The following SAP25 variants were observed in gnomAD, a reference collection of about 807,000 sequenced individuals.
SAP25 encodes histone deacetylase complex subunit SAP25.
Under a neutral mutation model 31.5 loss-of-function variants are expected in SAP25, and 24 were observed. The ratio of observed to expected loss-of-function variants is 0.76; its 90% CI spans 0.55 to 1.07. The LOEUF (loss-of-function observed/expected upper bound fraction) is 1.07, where lower values mean the gene tolerates loss of function less well. Ranked by LOEUF, SAP25 falls within the 50% of genes least tolerant of loss-of-function variation. The pLI, the probability that SAP25 is intolerant of heterozygous loss-of-function variation, is 0.00. For missense variants in SAP25, 377 were observed against 418.8 expected (o/e 0.90, Z 0.87); for synonymous variants, 180 against 186.0 (o/e 0.97, Z 0.26).
rs765361344 is a variant in SAP25 at position 100,572,369 on chromosome 7, G to T, written c.812C>A (p.Pro271Gln). Residue 271 changes from proline to glutamine, a missense_variant, in exon 6 of 6, where the codon CCA (proline) becomes CAA (glutamine). By Grantham distance (76) the Pro-to-Gln change is moderately conservative. Coordinates refer to ENST00000622764, the MANE Select transcript of SAP25 (RefSeq NM_001348680.2). The surrounding 1 kb of genome is among the most constrained non-coding windows in gnomAD (Gnocchi z 4.1). ...GCTGGGGCTACCACAGGGGCTGGGT[G>T]GGTCAGAGGTATGGTCTGGGGGGCC... ...AVGPPDHTSD[P>Q]PSPCGSPSSS... 6 of 1,385,186 alleles carry T rather than the reference G, an allele frequency of 4.3e-6. No individual in the cohort carries two copies. Among genetic ancestry groups the T allele is most frequent in the Non-Finnish European group, 5.6e-6 (6 of 1,072,768 alleles). 85.8% of individuals were successfully genotyped at this position (1,385,186 alleles called of 1,614,324 possible).
In SAP25 at chr7:100,572,631, C is replaced by A; in HGVS notation, c.609+23G>T. The A allele has an allele frequency of 2.0e-6, 3 of 1,523,730 alleles. No homozygotes were observed. The highest frequency in any genetic ancestry group is 2.6e-6 in the Non-Finnish European group (3 of 1,141,950). 94.4% of individuals were successfully genotyped at this position (1,523,730 alleles called of 1,614,324 possible). A position where few individuals can be genotyped will look rare whatever the true frequency, so the allele number is the denominator to read the frequency against. On this transcript the variant is annotated intron_variant, in intron 5 of 5. Transcript: ENST00000622764. The surrounding 1 kb of genome is among the most constrained non-coding windows in gnomAD (Gnocchi z 4.1). ...GCAAGCCTGGAGGCTGGGGTAAGGA[C>A]AGGGAGGGGAAAGAGCTCTCACCTG...
Position 100,573,618 on chromosome 7 carries a change from A to C in SAP25, c.125T>G (p.Leu42Arg). 8.1e-7 allele frequency: 1 copy of C among 1,231,720 alleles called. No homozygotes were observed. Among genetic ancestry groups the C allele is most frequent in the Non-Finnish European group, 1.0e-6 (1 of 987,954 alleles). The allele number at this position is 1,231,720 out of a possible 1,614,324, so 76.3% of individuals were successfully genotyped here. The change falls in exon 1 of 6, where the codon CTG becomes CGG. Residue 42 changes from leucine to arginine, a missense_variant. Physicochemically the swap from Leu to Arg is moderately radical, Grantham distance 102 (BLOSUM62 -2). Transcript: ENST00000622764. ...TCACCTGTCCCATGGGGGTGTCCCC[A>C]GCTCCCTGGGGGCGTCCGCTCCGGC... ...WSAGADAPRE[L>R]GTPPWDSPQP...
chr7:100,573,884 G>A lies in SAP25; in HGVS notation c.-142C>T. Reference sequence around the variant, plus strand: ...CCTCGCGGCGACGCTGGCGCCCTGTGCGTCTCCCGGCCACGTGGCGCGTGC... The same window carrying A: ...CCTCGCGGCGACGCTGGCGCCCTGTACGTCTCCCGGCCACGTGGCGCGTGC... On this transcript the variant is annotated 5_prime_UTR_variant, in exon 1 of 6. Transcript: ENST00000622764. 4.1e-5 allele frequency: 26 copies of A among 639,668 alleles called. No individual in the cohort carries two copies. The highest frequency in any genetic ancestry group is 5.3e-5 in the Non-Finnish European group (26 of 487,662). 39.6% of individuals were successfully genotyped at this position (639,668 alleles called of 1,614,324 possible).
At position 100,572,401 on chromosome 7, in the gene SAP25, G is replaced by A. The variant is rs372596522; in HGVS notation, c.780C>T (p.Ser260=). 194 of 1,406,626 alleles carry A rather than the reference G, an allele frequency of 1.4e-4. No homozygotes were observed. The African/African-American group carries it at 1.6e-3, about 12-fold the overall frequency. 87.1% of individuals were successfully genotyped at this position (1,406,626 alleles called of 1,614,324 possible). A position where few individuals can be genotyped will look rare whatever the true frequency, so the allele number is the denominator to read the frequency against. ...MSQGEPRPSS[S]AVGPPDHTSD... ...AGGTATGGTCTGGGGGGCCAACCGC[G>A]GAGGAGCTGGGCCTAGGCTCCCCCT... is the stretch of plus-strand genomic sequence containing the variant. The change falls in exon 6 of 6, where the codon TCC becomes TCT. Residue 260 remains serine, a synonymous_variant. Transcript: ENST00000622764. The surrounding 1 kb of genome is among the most constrained non-coding windows in gnomAD (Gnocchi z 4.1).
chr7:100,572,807 G>C lies in SAP25; in HGVS notation c.511+53C>G. 1 of 1,501,966 alleles carries C rather than the reference G, an allele frequency of 6.7e-7. No homozygotes were observed. The highest frequency in any genetic ancestry group is 8.8e-7 in the Non-Finnish European group (1 of 1,132,206). The allele number at this position is 1,501,966 out of a possible 1,614,324, so 93.0% of individuals were successfully genotyped here. On this transcript the variant is annotated intron_variant, in intron 4 of 5. Coordinates refer to ENST00000622764, the MANE Select transcript of SAP25 (RefSeq NM_001348680.2). This position sits in a 1 kb window ranked among gnomAD's most constrained non-coding sequence, Gnocchi z 4.1. ...TGCGGGCTCCCACCCCTGGGCACTG[G>C]TTCCCAGAGGAGTTGGGGCAGCCTT... is the stretch of plus-strand genomic sequence containing the variant.
rs1432042176 is a variant in SAP25, at chr7:100,573,176, G to A, written c.287C>T (p.Pro96Leu). Residue 96 changes from proline (P) to leucine (L), a missense_variant, in exon 3 of 6, where the codon CCC (proline) becomes CTC (leucine). Physicochemically the swap from Pro to Leu is moderately conservative, Grantham distance 98. Transcript: ENST00000622764. ...GGGCGCTAGTGGAGTCATCCTCGAG[G>A]GGGCCACCTCCCAGGCCACCTGGGG... ...RSPQVAWEVA[P>L]SRMTPLAPWD... The A allele has an allele frequency of 9.8e-6, 15 of 1,534,048 alleles. No homozygotes were observed. The highest frequency in any genetic ancestry group is 1.7e-4 in the Middle Eastern group (1 of 5,956).
At position 100,572,988 on chromosome 7, in the gene SAP25, G is replaced by A. The variant is rs371163842; in HGVS notation, c.383C>T (p.Ser128Leu). ...GTGACACAGCGTCCGGCCTGAGAAC[G>A]AGGCTCCTGAGCTACAGTTGGCCCC... is the stretch of plus-strand genomic sequence containing the variant. The part of the protein sequence containing the change: ...VWGANCSSGA[S>L]FSGRTLCHPS... Residue 128 changes from serine (S) to leucine (L), a missense_variant, in exon 4 of 6, where the codon TCG becomes TTG. By Grantham distance (145) the Ser-to-Leu change is moderately radical. Coordinates refer to ENST00000622764, the MANE Select transcript of SAP25 (RefSeq NM_001348680.2). The surrounding 1 kb of genome is among the most constrained non-coding windows in gnomAD (Gnocchi z 4.1). 3.1e-5 allele frequency: 46 copies of A among 1,499,468 alleles called. 1 individual carries two copies. Among genetic ancestry groups the A allele is most frequent in the East Asian group, 2.7e-4 (11 of 40,572 alleles). 92.9% of individuals were successfully genotyped at this position (1,499,468 alleles called of 1,614,324 possible).
Position 100,572,689 on chromosome 7 carries a change from G to T in SAP25, c.574C>A (p.Arg192Ser). ...GCCTTGGACAGGTACAGGGGAACAC[G>T]CTGCCCCCGGGGCAGCAGAGGGTCC... ...LSDPLLPRGQ[R>S]VPLYLSKAPQ... is the part of the protein sequence containing the mutation. Residue 192 changes from arginine to serine, a missense_variant, in exon 5 of 6, where the codon CGT becomes AGT. By Grantham distance (110) the Arg-to-Ser change is moderately radical (BLOSUM62 -1). Coordinates refer to ENST00000622764, the MANE Select transcript of SAP25 (RefSeq NM_001348680.2). The surrounding 1 kb of genome is among the most constrained non-coding windows in gnomAD (Gnocchi z 4.1). 3.3e-6 allele frequency: 5 copies of T among 1,535,850 alleles called. No homozygotes were observed. Among genetic ancestry groups the T allele is most frequent in the Non-Finnish European group, 4.4e-6 (5 of 1,146,424 alleles).
At chr7:100,573,478 A>G in intron 1 of SAP25, 78 bp from the exon 2 acceptor site, 3 of 1,210,128 alleles carry the variant, frequency 2.5e-6, no homozygotes, top group Non-Finnish European at 3.1e-6. Context: ...GCCTGGTGCA[A>G]GGGAGACCGA....
chr7:100,573,560 G>T (rs1467623710), intron 1 of SAP25, 37 bp downstream of exon 1: 1 of 1,234,146 alleles, frequency 8.1e-7, no homozygotes, highest in Non-Finnish European at 1.0e-6. Flanking sequence ...GAGGCCCCCA[G>T]TCGCTGTCCC....
At position 100,572,777 on chromosome 7, in the gene SAP25, C is replaced by T. The variant is rs1477346111; in HGVS notation, c.512-26G>A. The T allele has an allele frequency of 2.6e-6, 4 of 1,516,734 alleles. No individual in the cohort carries two copies. The highest frequency in any genetic ancestry group is 2.2e-5 in the Admixed American group (1 of 45,578). 94.0% of individuals were successfully genotyped at this position (1,516,734 alleles called of 1,614,324 possible). On this transcript the variant is annotated intron_variant, in intron 4 of 5. Coordinates refer to ENST00000622764, the MANE Select transcript of SAP25 (RefSeq NM_001348680.2). This position sits in a 1 kb window ranked among gnomAD's most constrained non-coding sequence, Gnocchi z 4.1. ...CTAGGAGGAAACACCACTAGGGTGG[C>T]GGGCTGCGGGCTCCCACCCCTGGGC...
In SAP25 at chr7:100,572,261, A is replaced by G. The variant is rs1406033018; in HGVS notation, c.*26T>C. 9.5e-6 allele frequency: 12 copies of G among 1,267,916 alleles called. No homozygotes were observed. Among genetic ancestry groups the G allele is most frequent in the Non-Finnish European group, 1.2e-5 (12 of 1,007,640 alleles). 78.5% of individuals were successfully genotyped at this position (1,267,916 alleles called of 1,614,324 possible). A position where few individuals can be genotyped will look rare whatever the true frequency, so the allele number is the denominator to read the frequency against. On this transcript the variant is annotated 3_prime_UTR_variant, in exon 6 of 6. Coordinates refer to ENST00000622764, the MANE Select transcript of SAP25 (RefSeq NM_001348680.2). The surrounding 1 kb of genome is among the most constrained non-coding windows in gnomAD (Gnocchi z 4.1). Reference sequence around the variant, plus strand: ...ACCAACACTGTTTTATTGTCAACACAACCAGCCCACTCTGCCCTGAGAAGG... The same window carrying G: ...ACCAACACTGTTTTATTGTCAACACGACCAGCCCACTCTGCCCTGAGAAGG...
rs1263498480 is a variant in SAP25 at position 100,572,776 on chromosome 7, G to A, written c.512-25C>T. The A allele has an allele frequency of 1.3e-6, 2 of 1,518,098 alleles. No homozygotes were observed. The highest frequency in any genetic ancestry group is 1.8e-6 in the Non-Finnish European group (2 of 1,139,016). The allele number at this position is 1,518,098 out of a possible 1,614,324, so 94.0% of individuals were successfully genotyped here. A position where few individuals can be genotyped will look rare whatever the true frequency, so the allele number is the denominator to read the frequency against. On this transcript the variant is annotated intron_variant, in intron 4 of 5. Coordinates refer to ENST00000622764, the MANE Select transcript of SAP25 (RefSeq NM_001348680.2). This position sits in a 1 kb window ranked among gnomAD's most constrained non-coding sequence, Gnocchi z 4.1. ...CCTAGGAGGAAACACCACTAGGGTG[G>A]CGGGCTGCGGGCTCCCACCCCTGGG... is the stretch of plus-strand genomic sequence containing the variant.
rs1453898602 is a variant in SAP25, at chr7:100,572,607, C to G, written c.610-36G>C. 1.3e-6 allele frequency: 2 copies of G among 1,495,850 alleles called. No individual in the cohort carries two copies. The highest frequency in any genetic ancestry group is 2.8e-5 in the African/African-American group (2 of 70,678). 92.7% of individuals were successfully genotyped at this position (1,495,850 alleles called of 1,614,324 possible). A position where few individuals can be genotyped will look rare whatever the true frequency, so the allele number is the denominator to read the frequency against. On this transcript the variant is annotated intron_variant, in intron 5 of 5. Transcript: ENST00000622764. The surrounding 1 kb of genome is among the most constrained non-coding windows in gnomAD (Gnocchi z 4.1). ...AGAATGGAATGTGTTTCCTGCCAGG[C>G]AAGCCTGGAGGCTGGGGTAAGGACA... is the stretch of plus-strand genomic sequence containing the variant.
At position 100,573,406 on chromosome 7, in the gene SAP25, G is replaced by C. The variant is rs1264798717; in HGVS notation, c.147-6C>G. 7.5e-7 allele frequency: 1 copy of C among 1,331,954 alleles called. No homozygotes were observed. The highest frequency in any genetic ancestry group is 1.5e-5 in the African/African-American group (1 of 67,756). 82.5% of individuals were successfully genotyped at this position (1,331,954 alleles called of 1,614,324 possible). ...TACGGGATGGGGGCTGTGGGCTGGA[G>C]GGGCAGGGACTGAGGCTGCAGCCAC... On this transcript the variant is annotated splice_polypyrimidine_tract_variant and splice_region_variant and intron_variant, in intron 1 of 5. Transcript: ENST00000622764.
Position 100,572,604 on chromosome 7 carries a change from A to T in SAP25, c.610-33T>A, listed in dbSNP as rs1366055404. On this transcript the variant is annotated intron_variant, in intron 5 of 5. Transcript: ENST00000622764. This position sits in a 1 kb window ranked among gnomAD's most constrained non-coding sequence, Gnocchi z 4.1. ...GAGAGAATGGAATGTGTTTCCTGCC[A>T]GGCAAGCCTGGAGGCTGGGGTAAGG... 1 of 1,495,000 alleles carries T rather than the reference A, an allele frequency of 6.7e-7. No individual in the cohort carries two copies. Among genetic ancestry groups the T allele is most frequent in the African/African-American group, 1.4e-5 (1 of 70,582 alleles). The allele number at this position is 1,495,000 out of a possible 1,614,324, so 92.6% of individuals were successfully genotyped here. A position where few individuals can be genotyped will look rare whatever the true frequency, so the allele number is the denominator to read the frequency against.
Position 100,572,431 on chromosome 7 carries a change from C to T in SAP25, c.750G>A (p.Met250Ile). Reference protein sequence around the residue: ...ELIALTGLLQMSQGEPRPSSS... With the variant: ...ELIALTGLLQISQGEPRPSSS... Reference sequence around the variant, plus strand: ...AGCTGGGCCTAGGCTCCCCCTGGCTCATCTGCAGCAGGCCAGTGAGAGCGA... The same window carrying T: ...AGCTGGGCCTAGGCTCCCCCTGGCTTATCTGCAGCAGGCCAGTGAGAGCGA... The change falls in exon 6 of 6, where the codon ATG becomes ATA. Residue 250 changes from methionine to isoleucine, a missense_variant. Coordinates refer to ENST00000622764, the MANE Select transcript of SAP25 (RefSeq NM_001348680.2). The surrounding 1 kb of genome is among the most constrained non-coding windows in gnomAD (Gnocchi z 4.1). 7.1e-7 allele frequency: 1 copy of T among 1,412,344 alleles called. No individual in the cohort carries two copies. The highest frequency in any genetic ancestry group is 9.2e-7 in the Non-Finnish European group (1 of 1,086,458). 87.5% of individuals were successfully genotyped at this position (1,412,344 alleles called of 1,614,324 possible).
At position 100,573,522 on chromosome 7, in the gene SAP25, C is replaced by T. The variant is rs556607816; in HGVS notation, c.146+75G>A. ...ATCTCCAGCAGGGACAATGGAGAAG[C>T]CTCCGTAGAGCGCGTGGTGAAGGCA... On this transcript the variant is annotated intron_variant, in intron 1 of 5. Transcript: ENST00000622764. The T allele has an allele frequency of 3.3e-6, 4 of 1,226,848 alleles. No individual in the cohort carries two copies. The South Asian group carries it at 1.1e-4, about 35-fold the overall frequency. The allele number at this position is 1,226,848 out of a possible 1,614,324, so 76.0% of individuals were successfully genotyped here.
intron 1 of SAP25, 38 bp from the exon 2 acceptor site, chr7:100,573,438 C>T: frequency 1.6e-6 from 2 of 1,246,264 alleles, no homozygotes; most frequent in African/African-American, 1.5e-5. Context: ...CCACACCGCC[C>T]CCACGCACCC....
Sources: allele counts gnomAD v4.1 joint callset, GRCh38; gene constraint gnomAD v4.1.1; non-coding constraint Gnocchi (gnomAD v3.1); transcripts MANE v1.5; gene names NCBI Gene and HGNC (gene_info 2026-07-23, HGNC 2026-07-21).